The following CNTNAP3 variants were observed in gnomAD, a reference collection of about 807,000 sequenced individuals.
CNTNAP3 encodes contactin associated protein family member 3, also known as contactin-associated protein-like 3.
Under a neutral mutation model 92.1 loss-of-function variants are expected in CNTNAP3, and 36 were observed. That is an observed-to-expected ratio of 0.39 (90% CI 0.30 to 0.52). CNTNAP3 has a LOEUF of 0.52. Ranked by LOEUF, CNTNAP3 falls within the 20% of genes least tolerant of loss-of-function variation. The pLI, the probability that CNTNAP3 is intolerant of heterozygous loss-of-function variation, is 0.76. For synonymous variants in CNTNAP3, 232 were observed against 422.3 expected, an observed-to-expected ratio of 0.55 and a Z score of 5.53; for missense variants, 534 against 1,069.6, an observed-to-expected ratio of 0.50 and a Z score of 6.98.
chr9:39,087,547 C>T (rs561762031), intron 19 of CNTNAP3, among the ~76,000 whole-genome samples: 13 of 151,926 alleles, frequency 8.6e-5, no homozygotes, highest in South Asian at 2.1e-4. Flanking sequence ...AGTGCAGTGG[C>T]GCGATCTGGG....
At chr9:39,177,891 CA>C (rs770371820) in intron 5 of CNTNAP3, among the ~76,000 whole-genome samples, 3 of 132,818 alleles carry the variant, frequency 2.3e-5, no homozygotes, top group Non-Finnish European at 4.6e-5. Flanking sequence ...ATGCTGTTTA[CA>C]GAAATCATAC....
At chr9:39,117,280 C>T (rs1414376876) in intron 14 of CNTNAP3, among the ~76,000 whole-genome samples, 1 of 152,088 alleles carries the variant, frequency 6.6e-6, no homozygotes, top group Non-Finnish European at 1.5e-5. Context: ...GCGTGAGCCA[C>T]AGTGCCTGGC....
At chr9:39,184,003 C>T (rs1271530564) in intron 4 of CNTNAP3, among the ~76,000 whole-genome samples, 1 of 149,034 alleles carries the variant, frequency 6.7e-6, no homozygotes, top group African/African-American at 2.5e-5. Context: ...TCCAAAATTT[C>T]ATAAAATTGT....
intron 14 of CNTNAP3, among the ~76,000 whole-genome samples, chr9:39,117,297 T>G (rs576083787): frequency 1.1e-3 from 165 of 152,072 alleles, no homozygotes; most frequent in African/African-American, 3.9e-3. Context: ...TGGCCTAAGT[T>G]TTTTTTTAAA....
At chr9:39,101,910 G>C (rs201657680) in intron 17 of CNTNAP3, among the ~76,000 whole-genome samples, 6,546 of 132,426 alleles carry the variant, frequency 0.049, no homozygotes, top group African/African-American at 0.063. Context: ...CCTCTCATTA[G>C]CTGGTTACTC....
intron 13 of CNTNAP3, among the ~76,000 whole-genome samples, chr9:39,119,909 C>T (rs1256964113): frequency 1.3e-5 from 2 of 152,068 alleles, no homozygotes; most frequent in Non-Finnish European, 2.9e-5. Flanking sequence ...CATCAATAGG[C>T]TTTATCTAAC....
At chr9:39,106,132 C>T (rs1263632273) in intron 15 of CNTNAP3, among the ~76,000 whole-genome samples, 2 of 152,102 alleles carry the variant, frequency 1.3e-5, no homozygotes, top group Non-Finnish European at 2.9e-5. Context: ...CCCTGCAGAT[C>T]CCCTAGTCCC....
At chr9:39,086,601 A>G (rs1826066826) in intron 20 of CNTNAP3, 115 bp downstream of exon 20, 14 of 1,311,580 alleles carry the variant, frequency 1.1e-5, no homozygotes, top group Non-Finnish European at 1.3e-5. Flanking sequence ...TGACTTATGG[A>G]AGAGCAGCAC....
chr9:39,116,571 G>C (rs1379472277), intron 14 of CNTNAP3, among the ~76,000 whole-genome samples: 1 of 152,210 alleles, frequency 6.6e-6, no homozygotes, highest in African/African-American at 2.4e-5. Flanking sequence ...CTGGTGGTCA[G>C]ATTTGAAACT....
intron 13 of CNTNAP3, 55 bp downstream of exon 13, chr9:39,132,877 C>T (rs1821327550): frequency 6.7e-6 from 10 of 1,495,248 alleles, no homozygotes; most frequent in South Asian, 1.2e-5. Flanking sequence ...TCTCGCAGCC[C>T]GAGGGCCGCG....
intron 17 of CNTNAP3, among the ~76,000 whole-genome samples, chr9:39,100,883 A>G: frequency 6.7e-6 from 1 of 149,850 alleles, no homozygotes; most frequent in Admixed American, 6.6e-5. Flanking sequence ...GAAATTACCT[A>G]GAGTTTCTGG....
intron 3 of CNTNAP3, among the ~76,000 whole-genome samples, chr9:39,194,542 C>CA (rs1162095694): frequency 3.7e-3 from 2 of 542 alleles, no homozygotes; most frequent in African/African-American, 3.9e-3. Flanking sequence ...GACTCCATCA[C>CA]AAAAAAAAAA....
In CNTNAP3 at chr9:39,134,109, A is replaced by G. The variant is rs1821368373; in HGVS notation, c.1877-974T>C. 2.0e-5 allele frequency among the ~76,000 whole-genome samples: 3 copies of G among 152,306 alleles called. No homozygotes were observed. The South Asian group carries it at 6.2e-4, about 32-fold the overall frequency. On this transcript the variant is annotated intron_variant, in intron 12 of 23. Transcript: ENST00000297668. ...CTTGGCTGCTAACTGTGCGTAAGAC[A>G]AATTTCACAGCCTTACTGTTACTTA...
intron 18 of CNTNAP3, among the ~76,000 whole-genome samples, chr9:39,097,408 G>T (rs562091163): frequency 1.5e-3 from 232 of 152,048 alleles, no homozygotes; most frequent in Non-Finnish European, 2.5e-3. Context: ...TAGGGCACAG[G>T]GTGGGAAAGG....
chr9:39,129,448 T>C (rs1375290425), intron 13 of CNTNAP3, among the ~76,000 whole-genome samples: 1 of 151,758 alleles, frequency 6.6e-6, no homozygotes, highest in African/African-American at 2.4e-5. Flanking sequence ...TGAGAGAGAA[T>C]CAACTCTCAC....
At chr9:39,077,061 C>T (rs1443033617) in intron 23 of CNTNAP3, among the ~76,000 whole-genome samples, 5 of 152,382 alleles carry the variant, frequency 3.3e-5, no homozygotes, top group Admixed American at 2.0e-4. Flanking sequence ...AAAAAGTTTT[C>T]ATTGCCAAAA....
At chr9:39,141,002 C>T (rs1399844365) in intron 11 of CNTNAP3, among the ~76,000 whole-genome samples, 1 of 152,132 alleles carries the variant, frequency 6.6e-6, no homozygotes, top group Non-Finnish European at 1.5e-5. Flanking sequence ...CTTCAATAGA[C>T]AATCTTTTGG....
chr9:39,090,046 T>C (rs1293581588), intron 18 of CNTNAP3, among the ~76,000 whole-genome samples: 2 of 152,052 alleles, frequency 1.3e-5, no homozygotes, highest in Non-Finnish European at 2.9e-5. Flanking sequence ...TTCACACCAT[T>C]CTCCTGCCTC....
chr9:39,287,983 G>C lies in CNTNAP3; in HGVS notation c.82C>G (p.Pro28Ala), dbSNP rs781075552. The C allele has an allele frequency of 1.3e-5, 4 of 310,180 alleles. No individual in the cohort carries two copies. The South Asian group carries it at 1.3e-4, about 10-fold the overall frequency. The allele number at this position is 310,180 out of a possible 1,614,324, so 19.2% of individuals were successfully genotyped here. A position where few individuals can be genotyped will look rare whatever the true frequency, so the allele number is the denominator to read the frequency against. The change falls in exon 1 of 24, where the codon CCA (proline) becomes GCA (alanine). Residue 28 changes from proline (P) to alanine (A), a missense_variant. By Grantham distance (27) the Pro-to-Ala change is conservative. Transcript: ENST00000297668. The part of the protein sequence containing the change: ...QTWSPVGAGN[P>A]PDCDAPLASA... ...TTAAACCATTTGCTGTACTTACGTG[G>C]ATTTCCTGCTCCCACGGGGCTCCAA...
Sources: allele counts gnomAD v4.1 joint callset (sites outside exome capture counted in the v4.1 genomes callset), GRCh38; gene constraint gnomAD v4.1.1; transcripts MANE v1.5; gene names NCBI Gene and HGNC (gene_info 2026-07-23, HGNC 2026-07-21).